Variants in EXOC5 observed in about 807,000 individuals in gnomAD.
EXOC5 encodes the protein exocyst complex component 5.
Under a neutral mutation model 90.8 loss-of-function variants are expected in EXOC5, and 17 were observed. That is an observed-to-expected ratio of 0.19 (90% CI 0.13 to 0.28). EXOC5 has a LOEUF of 0.28. Among genes scored for constraint, EXOC5 ranks in the 10% least tolerant of loss-of-function variants. The pLI is 1.00. For synonymous variants in EXOC5, 260 were observed against 270.0 expected (o/e 0.96, Z 0.36); for missense variants, 569 against 830.6 (o/e 0.69, Z 3.87).
At chr14:57,261,162 A>G (rs1366829655) in intron 1 of EXOC5, among the ~76,000 whole-genome samples, 2 of 152,210 alleles carry the variant, frequency 1.3e-5, no homozygotes, top group East Asian at 3.8e-4. Flanking sequence ...TTTATCACTC[A>G]ACTAGAACTT....
At position 57,225,351 on chromosome 14, in the gene EXOC5, T is replaced by C. The variant is rs189486723; in HGVS notation, c.1297-2935A>G. 5.4e-4 allele frequency among the ~76,000 whole-genome samples: 82 copies of C among 152,262 alleles called. 1 individual carries two copies. The highest frequency in any genetic ancestry group is 1.1e-3 in the Non-Finnish European group (74 of 68,010). ...TTTTCTCAATCTGAAAAAGAACATC[T>C]ATGAAAAACCCAATTAGTATCATAC... On this transcript the variant is annotated intron_variant, in intron 12 of 17. Coordinates refer to ENST00000621441, the MANE Select transcript of EXOC5 (RefSeq NM_006544.4).
chr14:57,231,517 A>G lies in EXOC5; in HGVS notation c.1137T>C (p.Ile379=). Residue 379 remains isoleucine, a synonymous_variant, in exon 11 of 18, where the codon ATT becomes ATC. Transcript: ENST00000621441. The stretch of plus-strand genomic sequence containing the variant: ...ACAAAAATACTCACCCTCCTGTGCC[A>G]ATGGATCTCTTTTGATGGTTTTTCG... ...YDSKNHQKRS[I]GTGGIQDLKE... 1 of 1,608,658 alleles carries G rather than the reference A, an allele frequency of 6.2e-7. No individual in the cohort carries two copies. Among genetic ancestry groups the G allele is most frequent in the Non-Finnish European group, 8.5e-7 (1 of 1,178,320 alleles).
In EXOC5 at chr14:57,208,745, A is replaced by G. The variant is rs1278033737; in HGVS notation, c.1991T>C (p.Leu664Pro). The stretch of plus-strand genomic sequence containing the variant: ...CTTTAAATTATCTGGGGCAACTACC[A>G]GAAGATTGCAAAGAGCATGCAGAGT... ...FDTLHALCNL[L>P]VVAPDNLKQV... The change falls in exon 18 of 18, where the codon CTG becomes CCG. Residue 664 changes from leucine to proline, a missense_variant. By Grantham distance (98) the Leu-to-Pro change is moderately conservative (BLOSUM62 -3). Coordinates refer to ENST00000621441, the MANE Select transcript of EXOC5 (RefSeq NM_006544.4). The G allele has an allele frequency of 6.2e-7, 1 of 1,611,776 alleles. No homozygotes were observed. The highest frequency in any genetic ancestry group is 1.1e-5 in the South Asian group (1 of 90,958).
chr14:57,209,834 A>G (rs567580026), intron 16 of EXOC5, 52 bp from the exon 17 acceptor site: 2 of 1,362,334 alleles, frequency 1.5e-6, no homozygotes, highest in African/African-American at 2.9e-5. Flanking sequence ...CAGCTTAGCT[A>G]AAGAGGAAAT....
intron 4 of EXOC5, 83 bp from the exon 5 acceptor site, chr14:57,239,742 T>G: frequency 1.3e-6 from 1 of 794,936 alleles, no homozygotes; most frequent in Non-Finnish European, 2.0e-6. Flanking sequence ...ATTAGTAATA[T>G]CTCCCTGCAT....
At chr14:57,213,356 T>C (rs546963552) in intron 15 of EXOC5, among the ~76,000 whole-genome samples, 174 of 151,680 alleles carry the variant, frequency 1.1e-3, no homozygotes, top group African/African-American at 4.1e-3. Context: ...CACACCAGCC[T>C]GGGTGACAGA....
At chr14:57,220,667 G>C (rs999000842) in intron 13 of EXOC5, among the ~76,000 whole-genome samples, 2 of 152,054 alleles carry the variant, frequency 1.3e-5, no homozygotes. Flanking sequence ...AGGTGCAGTG[G>C]CATGCACCTG....
At chr14:57,219,082 A>C (rs1440958574) in intron 14 of EXOC5, among the ~76,000 whole-genome samples, 1 of 152,084 alleles carries the variant, frequency 6.6e-6, no homozygotes, top group African/African-American at 2.4e-5. Flanking sequence ...TGACAGATTA[A>C]ATCTTTTGAA....
intron 1 of EXOC5, among the ~76,000 whole-genome samples, chr14:57,261,867 A>C (rs868776490): frequency 6.6e-6 from 1 of 152,144 alleles, no homozygotes; most frequent in African/African-American, 2.4e-5. Context: ...AGGTTACCTA[A>C]CCTTGCAAAT....
intron 13 of EXOC5, among the ~76,000 whole-genome samples, chr14:57,221,354 T>G (rs1405002145): frequency 2.0e-5 from 3 of 152,214 alleles, no homozygotes; most frequent in Non-Finnish European, 4.4e-5. Context: ...CTCTACAGTT[T>G]GCTGTTGTTT....
At chr14:57,212,853 G>C (rs936790783) in intron 15 of EXOC5, among the ~76,000 whole-genome samples, 6 of 152,104 alleles carry the variant, frequency 3.9e-5, no homozygotes, top group African/African-American at 1.4e-4. Flanking sequence ...ATACCATTAA[G>C]TAGCAATGTA....
intron 1 of EXOC5, among the ~76,000 whole-genome samples, chr14:57,260,999 T>C (rs975368168): frequency 6.6e-6 from 1 of 152,176 alleles, no homozygotes; most frequent in Non-Finnish European, 1.5e-5. Context: ...ATTTGCTTCT[T>C]TCGTTTATTA....
rs1332453224 is a variant in EXOC5, at chr14:57,244,288, T to G, written c.342A>C (p.Gly114=). 1.2e-5 allele frequency: 20 copies of G among 1,613,700 alleles called. No individual in the cohort carries two copies. The highest frequency in any genetic ancestry group is 1.6e-4 in the Middle Eastern group (1 of 6,084). The change falls in exon 4 of 18, where the codon GGA becomes GGC. Residue 114 remains glycine (G), a synonymous_variant. Coordinates refer to ENST00000621441, the MANE Select transcript of EXOC5 (RefSeq NM_006544.4). The stretch of plus-strand genomic sequence containing the variant: ...GTGTGTTTACCCCCTCTAACTGGTC[T>G]CCAAGGTGACAGACTTTAGTTGCTA... ...SYVATKVCHL[G]DQLEGVNTPR...
At chr14:57,227,323 A>T (rs115712951) in intron 12 of EXOC5, among the ~76,000 whole-genome samples, 502 of 152,246 alleles carry the variant, frequency 3.3e-3, no homozygotes, top group African/African-American at 0.011. Flanking sequence ...AATACTAAGT[A>T]TTTTTCAGAT....
At chr14:57,260,379 A>G (rs929551710) in intron 1 of EXOC5, among the ~76,000 whole-genome samples, 1 of 152,154 alleles carries the variant, frequency 6.6e-6, no homozygotes, top group African/African-American at 2.4e-5. Context: ...AAAATAAATA[A>G]TTTTACTTTT....
chr14:57,211,158 T>C (rs993836365), intron 15 of EXOC5, among the ~76,000 whole-genome samples: 4 of 152,318 alleles, frequency 2.6e-5, no homozygotes, highest in South Asian at 2.1e-4. Flanking sequence ...AATAAGTCCA[T>C]TGCACATTTT....
At chr14:57,219,815 T>C (rs1008943262) in intron 13 of EXOC5, among the ~76,000 whole-genome samples, 18 of 152,148 alleles carry the variant, frequency 1.2e-4, no homozygotes, top group South Asian at 4.1e-4. Context: ...ACTGCTGCCA[T>C]AGTAATATCC....
rs958389648 is a variant in EXOC5, at chr14:57,229,875, T to C, written c.1155A>G (p.Gln385=). ...GCTGTCTAATTCTTTCCTTCAAATC[T>C]TGAATACTAGTACATCATAAAGACA... ...QKRSIGTGGI[Q]DLKERIRQRT... is the part of the protein sequence containing the mutation. Residue 385 remains glutamine, a synonymous_variant, in exon 12 of 18, where the codon CAA becomes CAG. Coordinates refer to ENST00000621441, the MANE Select transcript of EXOC5 (RefSeq NM_006544.4). The C allele has an allele frequency of 6.9e-7, 1 of 1,440,180 alleles. No homozygotes were observed. The highest frequency in any genetic ancestry group is 1.4e-5 in the African/African-American group (1 of 71,574). 89.2% of individuals were successfully genotyped at this position (1,440,180 alleles called of 1,614,324 possible).
At chr14:57,216,029 A>C (rs1240502572) in intron 15 of EXOC5, among the ~76,000 whole-genome samples, 1 of 152,224 alleles carries the variant, frequency 6.6e-6, no homozygotes, top group East Asian at 1.9e-4. Context: ...CATTATCAGC[A>C]AACTATCCAA....
Sources: allele counts gnomAD v4.1 joint callset (sites outside exome capture counted in the v4.1 genomes callset), GRCh38; gene constraint gnomAD v4.1.1; transcripts MANE v1.5; gene names NCBI Gene and HGNC (gene_info 2026-07-23, HGNC 2026-07-21).